Variants in PLXND1 observed in about 807,000 individuals in gnomAD.
PLXND1 encodes the protein plexin-D1.
In PLXND1, 54 loss-of-function variants were observed where a neutral mutation model predicts 197.7. The ratio of observed to expected loss-of-function variants is 0.27; its 90% CI spans 0.22 to 0.34. The LOEUF is 0.34. PLXND1 is among the 10% of genes least tolerant of loss of function. The pLI is 1.00. For missense variants in PLXND1, 2,127 were observed against 2,699.2 expected (o/e 0.79, Z 4.70); for synonymous variants, 1,180 against 1,161.2 (o/e 1.02, Z -0.33).
intron 11 of PLXND1, among the ~76,000 whole-genome samples, chr3:129,575,105 C>T (rs1057237388): frequency 6.6e-6 from 1 of 152,178 alleles, no homozygotes; most frequent in African/African-American, 2.4e-5. Context: ...GGACCCAACA[C>T]AGACAGTCAC....
intron 1 of PLXND1, among the ~76,000 whole-genome samples, chr3:129,604,346 G>T (rs976243743): frequency 6.6e-6 from 1 of 152,190 alleles, no homozygotes; most frequent in Non-Finnish European, 1.5e-5. Context: ...GGCAGCAAAG[G>T]CTGGGCATTA....
At chr3:129,571,975 C>T (rs1409611444) in intron 15 of PLXND1, 131 bp from the exon 16 acceptor site, 2 of 782,686 alleles carry the variant, frequency 2.6e-6, no homozygotes, top group East Asian at 2.7e-5. Flanking sequence ...GGTCCCAACT[C>T]ATCTTCTGCC....
intron 34 of PLXND1, 127 bp from the exon 35 acceptor site, chr3:129,556,818 G>A: frequency 1.3e-6 from 1 of 749,956 alleles, no homozygotes; most frequent in Non-Finnish European, 2.3e-6. Flanking sequence ...TCAGCGATGA[G>A]GCCCCTCAAG....
Position 129,556,977 on chromosome 3 carries a change from C to T in PLXND1, c.5586+106G>A, listed in dbSNP as rs886238076. 1.3e-5 allele frequency: 17 copies of T among 1,264,992 alleles called. 1 individual carries two copies. The Middle Eastern group carries it at 7.7e-4, about 57-fold the overall frequency. The allele number at this position is 1,264,992 out of a possible 1,614,324, so 78.4% of individuals were successfully genotyped here. On this transcript the variant is annotated intron_variant, in intron 34 of 35. Transcript: ENST00000324093. ...AGGCCACAGCCACTTCTGAAATGCC[C>T]TCTGCGCTCCCTGCCCTTACTCCAG...
At chr3:129,597,491 C>CT (rs1560082952) in intron 1 of PLXND1, among the ~76,000 whole-genome samples, 4 of 151,598 alleles carry the variant, frequency 2.6e-5, no homozygotes, top group Admixed American at 1.3e-4. Context: ...GGGCCCCCCC[C>CT]CATTATTTAC....
rs1429239685 is a variant in PLXND1 at position 129,577,980 on chromosome 3, C to T, written c.2346+349G>A. On this transcript the variant is annotated intron_variant, in intron 9 of 35. Transcript: ENST00000324093. This position sits in a 1 kb window ranked among gnomAD's most constrained non-coding sequence, Gnocchi z 5.0. ...CGGTGGGTGGGTGTGTCCAGGGTCA[C>T]AGCTCAGGCTAAGGGAGGACAGGAT... is the stretch of plus-strand genomic sequence containing the variant. Among the ~76,000 whole-genome samples the T allele has an allele frequency of 3.3e-5, 5 of 152,194 alleles. No homozygotes were observed. The highest frequency in any genetic ancestry group is 5.9e-5 in the Non-Finnish European group (4 of 68,028).
intron 9 of PLXND1, among the ~76,000 whole-genome samples, chr3:129,576,246 C>A (rs751941227): frequency 1.3e-5 from 2 of 152,230 alleles, no homozygotes; most frequent in African/African-American, 2.4e-5. Flanking sequence ...GCCCCAACGC[C>A]CAACACGGCC....
chr3:129,606,141 C>T lies in PLXND1; in HGVS notation c.499G>A (p.Ala167Thr), dbSNP rs1265324340. 1 of 1,508,482 alleles carries T rather than the reference C, an allele frequency of 6.6e-7. No individual in the cohort carries two copies. The highest frequency in any genetic ancestry group is 1.4e-5 in the African/African-American group (1 of 70,854). 93.4% of individuals were successfully genotyped at this position (1,508,482 alleles called of 1,614,324 possible). ...ACCGTGACGGGCTCGGCGGGCGGCGCGGCGGGCGGGAAGCGCACGGCCACG... is the reference window on the plus strand; with the variant it reads ...ACCGTGACGGGCTCGGCGGGCGGCGTGGCGGGCGGGAAGCGCACGGCCACG... The part of the protein sequence containing the change: ...SAVAVRFPPA[A>T]PPAEPVTVFP... Residue 167 changes from alanine to threonine, a missense_variant, in exon 1 of 36, where the codon GCG (alanine) becomes ACG (threonine). By Grantham distance (58) the Ala-to-Thr change is moderately conservative (BLOSUM62 0). Transcript: ENST00000324093.
rs747168528 is a variant in PLXND1 at position 129,605,716 on chromosome 3, G to T, written c.924C>A (p.Gly308=). 3.9e-6 allele frequency: 6 copies of T among 1,540,802 alleles called. No homozygotes were observed. In the African/African-American group the frequency reaches 5.5e-5, roughly 14 times the overall value. ...GGCTCCGCGCCTGGCTCTCCTTGTCGCCCGCGCGCGCCTCGCTGTTGAGCG... is the reference window on the plus strand; with the variant it reads ...GGCTCCGCGCCTGGCTCTCCTTGTCTCCCGCGCGCGCCTCGCTGTTGAGCG... ...YLALNSEARA[G]DKESQARSLL... is the part of the protein sequence containing the mutation. Residue 308 remains glycine (G), a synonymous_variant, in exon 1 of 36, where the codon GGC becomes GGA. Coordinates refer to ENST00000324093, the MANE Select transcript of PLXND1 (RefSeq NM_015103.3).
intron 1 of PLXND1, among the ~76,000 whole-genome samples, chr3:129,600,944 C>T (rs2085699145): frequency 6.6e-6 from 1 of 152,100 alleles, no homozygotes; most frequent in Non-Finnish European, 1.5e-5. Flanking sequence ...AAATGCTGCA[C>T]TGACATTGGC....
rs1391954907 is a variant in PLXND1, at chr3:129,572,701, C to T, written c.2985G>A (p.Gly995=). The change falls in exon 15 of 36, where the codon GGG becomes GGA. Residue 995 remains glycine, a synonymous_variant. Coordinates refer to ENST00000324093, the MANE Select transcript of PLXND1 (RefSeq NM_015103.3). ...SLEPTMGPKA[G]GTRITIHGND... ...TCCCATGGATGGTGATCCTGGTGCC[C>T]CCGGCCTTGGGGCCCATGGTAGGCT... The T allele has an allele frequency of 3.1e-6, 5 of 1,602,976 alleles. No individual in the cohort carries two copies. The highest frequency in any genetic ancestry group is 4.5e-5 in the East Asian group (2 of 44,804).
In PLXND1 at chr3:129,584,618, C is replaced by T. The variant is rs2085434494; in HGVS notation, c.1852-56G>A. 4.0e-6 allele frequency: 6 copies of T among 1,501,828 alleles called. No individual in the cohort carries two copies. In the East Asian group the frequency reaches 1.1e-4, roughly 28 times the overall value. The allele number at this position is 1,501,828 out of a possible 1,614,324, so 93.0% of individuals were successfully genotyped here. ...TCCAGGCTATGCTCCTCACAGCCTGCCCCAGGGCTGTGCACCAACCCAAGG... is the reference window on the plus strand; with the variant it reads ...TCCAGGCTATGCTCCTCACAGCCTGTCCCAGGGCTGTGCACCAACCCAAGG... On this transcript the variant is annotated intron_variant, in intron 5 of 35. Coordinates refer to ENST00000324093, the MANE Select transcript of PLXND1 (RefSeq NM_015103.3).
At position 129,557,128 on chromosome 3, in the gene PLXND1, C is replaced by T. The variant is rs571320102; in HGVS notation, c.5541G>A (p.Pro1847=). The change falls in exon 34 of 36, where the codon CCG becomes CCA. Residue 1847 remains proline (P), a synonymous_variant. Transcript: ENST00000324093. This position sits in a 1 kb window ranked among gnomAD's most constrained non-coding sequence, Gnocchi z 4.8. The part of the protein sequence containing the change: ...RYYKQIQDMT[P]LSEQEMNAHL... ...GGGCATTCATCTCTTGCTCGCTGAGCGGCGTCATGTCCTGGATCTGCTTGT... is the reference window on the plus strand; with the variant it reads ...GGGCATTCATCTCTTGCTCGCTGAGTGGCGTCATGTCCTGGATCTGCTTGT... The T allele has an allele frequency of 5.0e-5, 80 of 1,614,082 alleles. No individual in the cohort carries two copies. Among genetic ancestry groups the T allele is most frequent in the East Asian group, 1.3e-4 (6 of 44,878 alleles).
At chr3:129,604,066 A>G (rs924092385) in intron 1 of PLXND1, among the ~76,000 whole-genome samples, 1 of 152,124 alleles carries the variant, frequency 6.6e-6, no homozygotes, top group South Asian at 2.1e-4. Flanking sequence ...TCAGGGAACC[A>G]CACCAAGTCC....
Position 129,586,656 on chromosome 3 carries a change from G to T in PLXND1, c.1552C>A (p.Pro518Thr), listed in dbSNP as rs762426238. Reference sequence around the variant, plus strand: ...TCAAACTGCATGACATGGTGCACGGGCTCCCCATAGGCCACAGTCACCACC... The same window carrying T: ...TCAAACTGCATGACATGGTGCACGGTCTCCCCATAGGCCACAGTCACCACC... The part of the protein sequence containing the change: ...RRVVTVAYGE[P>T]VHHVMQFDPA... Residue 518 changes from proline (P) to threonine (T), a missense_variant, in exon 3 of 36, where the codon CCC becomes ACC. Pro to Thr is a conservative substitution (Grantham distance 38, BLOSUM62 -1). Coordinates refer to ENST00000324093, the MANE Select transcript of PLXND1 (RefSeq NM_015103.3). 1.3e-6 allele frequency: 2 copies of T among 1,585,902 alleles called. No individual in the cohort carries two copies. The highest frequency in any genetic ancestry group is 2.7e-5 in the African/African-American group (2 of 74,580).
chr3:129,565,604 A>G (rs2085127834), intron 24 of PLXND1, 66 bp from the exon 25 acceptor site: 1 of 1,388,968 alleles, frequency 7.2e-7, no homozygotes, highest in Non-Finnish European at 1.0e-6. Flanking sequence ...CCAGGGTCTC[A>G]GTGCCGCCTC....
chr3:129,556,881 C>T (rs914049371), intron 34 of PLXND1, 190 bp from the exon 35 acceptor site: 1 of 697,776 alleles, frequency 1.4e-6, no homozygotes, highest in Non-Finnish European at 2.4e-6. Context: ...TCCTCTCCAT[C>T]CAGAGGGTGC....
At chr3:129,584,257 G>A (rs1484850363) in intron 6 of PLXND1, 24 bp from the exon 7 acceptor site, 3 of 1,593,778 alleles carry the variant, frequency 1.9e-6, no homozygotes, top group Non-Finnish European at 2.6e-6. Flanking sequence ...GGGAGCCAGG[G>A]GAGGACATGG....
intron 8 of PLXND1, among the ~76,000 whole-genome samples, chr3:129,581,123 C>A (rs2085381958): frequency 6.6e-6 from 1 of 152,316 alleles, no homozygotes; most frequent in Admixed American, 6.5e-5. Flanking sequence ...CCCAGGGACA[C>A]TTCTCCCGGC....
Sources: allele counts gnomAD v4.1 joint callset (sites outside exome capture counted in the v4.1 genomes callset), GRCh38; gene constraint gnomAD v4.1.1; non-coding constraint Gnocchi (gnomAD v3.1); transcripts MANE v1.5; gene names NCBI Gene and HGNC (gene_info 2026-07-23, HGNC 2026-07-21).